Variants in TXNRD1 observed in about 807,000 individuals in gnomAD.
TXNRD1 encodes the protein thioredoxin reductase 1.
In TXNRD1, 57 loss-of-function variants were observed where a neutral mutation model predicts 80.3. The observed-to-expected ratio is 0.71, with a 90% CI of 0.57 to 0.89. TXNRD1 has a LOEUF of 0.89. Among genes scored for constraint, TXNRD1 ranks in the 40% least tolerant of loss-of-function variants. The pLI is 0.00. For missense variants in TXNRD1, 730 were observed against 803.0 expected, an observed-to-expected ratio of 0.91 and a Z score of 1.10; for synonymous variants, 291 against 285.2, an observed-to-expected ratio of 1.02 and a Z score of -0.20.
rs541416592 is a variant in TXNRD1 at position 104,313,136 on chromosome 12, G to A, written c.538-109G>A. ...TGAAGTACCCAGGTATTAATTATTCGTTATGCTTTAAGCTCTATAGCTTAA... is the reference window on the plus strand; with the variant it reads ...TGAAGTACCCAGGTATTAATTATTCATTATGCTTTAAGCTCTATAGCTTAA... On this transcript the variant is annotated intron_variant, in intron 5 of 16. Coordinates refer to ENST00000525566, the MANE Select transcript of TXNRD1 (RefSeq NM_001093771.3). The A allele has an allele frequency of 5.5e-4, 418 of 753,212 alleles. 1 individual carries two copies. Among genetic ancestry groups the A allele is most frequent in the Non-Finnish European group, 8.4e-4 (385 of 458,028 alleles). The allele number at this position is 753,212 out of a possible 1,614,324, so 46.7% of individuals were successfully genotyped here. A position where few individuals can be genotyped will look rare whatever the true frequency, so the allele number is the denominator to read the frequency against.
At chr12:104,314,573 C>T (rs1198322482) in intron 6 of TXNRD1, among the ~76,000 whole-genome samples, 1 of 151,936 alleles carries the variant, frequency 6.6e-6, no homozygotes, top group East Asian at 1.9e-4. Flanking sequence ...TGGTCACCTG[C>T]CTGTGTTTTG....
chr12:104,338,756 G>A (rs1446761390), intron 15 of TXNRD1, among the ~76,000 whole-genome samples: 4 of 151,720 alleles, frequency 2.6e-5, no homozygotes, highest in South Asian at 2.1e-4. Flanking sequence ...TCGCTCTGTC[G>A]TCTAGGCTGG....
intron 4 of TXNRD1, among the ~76,000 whole-genome samples, chr12:104,299,008 C>G (rs2034524056): frequency 6.6e-6 from 1 of 152,200 alleles, no homozygotes; most frequent in Admixed American, 6.5e-5. Context: ...ATACTCAAGT[C>G]CCAAAGTCCA....
At chr12:104,333,987 G>C (rs1428948781) in intron 14 of TXNRD1, 2 of 247,570 alleles carry the variant, frequency 8.1e-6, no homozygotes, top group Non-Finnish European at 1.5e-5. Context: ...GCTCTTTTTT[G>C]TTATTAGTTA....
At chr12:104,245,648 CAAA>C (rs149083903) in intron 1 of TXNRD1, among the ~76,000 whole-genome samples, 81,931 of 108,594 alleles carry the variant, frequency 0.75, 30,426 homozygotes, top group East Asian at 0.83. Context: ...GACCCTGTCT[CAAA>C]AAAAAAAAAA....
At chr12:104,323,443 G>C (rs1283887138) in intron 10 of TXNRD1, among the ~76,000 whole-genome samples, 1 of 142,608 alleles carries the variant, frequency 7.0e-6, no homozygotes, top group Non-Finnish European at 1.5e-5. Flanking sequence ...GCGGCTGGCC[G>C]GGCAGAGGGG....
chr12:104,325,270 G>A, intron 10 of TXNRD1, 67 bp from the exon 11 acceptor site: 4 of 1,245,688 alleles, frequency 3.2e-6, no homozygotes, highest in Non-Finnish European at 4.6e-6. Flanking sequence ...CCAGATGGAA[G>A]GGGAAGGTAG....
chr12:104,327,925 C>G (rs2035821557), intron 13 of TXNRD1, among the ~76,000 whole-genome samples: 1 of 151,796 alleles, frequency 6.6e-6, no homozygotes, highest in Non-Finnish European at 1.5e-5. Context: ...CTTTGGGAGG[C>G]TGAGGCAGGC....
chr12:104,239,857 C>T (rs558825854), intron 1 of TXNRD1, among the ~76,000 whole-genome samples: 31 of 152,274 alleles, frequency 2.0e-4, no homozygotes, highest in African/African-American at 6.0e-4. Context: ...TTATCTAATT[C>T]GTTGGCATAT....
intron 1 of TXNRD1, among the ~76,000 whole-genome samples, chr12:104,221,992 T>G (rs1377451132): frequency 6.6e-6 from 1 of 152,162 alleles, no homozygotes; most frequent in African/African-American, 2.4e-5. Context: ...CAATTTCTAC[T>G]GAGCTTCCCT....
intron 4 of TXNRD1, among the ~76,000 whole-genome samples, chr12:104,297,568 T>C (rs2034477376): frequency 2.6e-5 from 4 of 152,124 alleles, no homozygotes; most frequent in Middle Eastern, 6.8e-3. Flanking sequence ...TTTCTCTATG[T>C]TGGTCAGGCT....
intron 4 of TXNRD1, among the ~76,000 whole-genome samples, chr12:104,308,802 T>C (rs1368508287): frequency 2.0e-5 from 3 of 152,184 alleles, no homozygotes; most frequent in African/African-American, 7.2e-5. Flanking sequence ...TTCTACTGTC[T>C]GTCTTATTTA....
chr12:104,261,461 C>T (rs4964733), intron 3 of TXNRD1, among the ~76,000 whole-genome samples: 24,449 of 152,130 alleles, frequency 0.16, 2,103 homozygotes, highest in Middle Eastern at 0.22. Flanking sequence ...CCATGCCCGT[C>T]CCCCTTGTTC....
At chr12:104,255,074 A>G (rs1305420862) in intron 2 of TXNRD1, among the ~76,000 whole-genome samples, 1 of 152,044 alleles carries the variant, frequency 6.6e-6, no homozygotes. Flanking sequence ...CCTCTAAGCT[A>G]CAGCCTGGGT....
intron 4 of TXNRD1, among the ~76,000 whole-genome samples, chr12:104,305,698 A>G (rs544841232): frequency 3.9e-5 from 6 of 152,342 alleles, no homozygotes; most frequent in African/African-American, 1.4e-4. Context: ...TCATCTATTA[A>G]TATCCTGAGA....
intron 4 of TXNRD1, chr12:104,303,840 C>CG: frequency 7.0e-7 from 1 of 1,437,326 alleles, no homozygotes. Flanking sequence ...GAAAAAGCTT[C>CG]CCGGAAGGGA....
chr12:104,257,371 A>G (rs2033278321), intron 2 of TXNRD1, among the ~76,000 whole-genome samples: 1 of 150,224 alleles, frequency 6.7e-6, no homozygotes, highest in Non-Finnish European at 1.5e-5. Context: ...GGTTTGCCAC[A>G]TAATGCTTTG....
At chr12:104,238,826 C>T (rs1387940975) in intron 1 of TXNRD1, among the ~76,000 whole-genome samples, 1 of 151,462 alleles carries the variant, frequency 6.6e-6, no homozygotes, top group African/African-American at 2.4e-5. Flanking sequence ...TCTATATTTA[C>T]AAAGGGCATT....
chr12:104,225,013 G>A, intron 1 of TXNRD1: 1 of 402,634 alleles, frequency 2.5e-6, no homozygotes, highest in South Asian at 1.8e-5. Context: ...TTGAAAGAGG[G>A]GATAACACCA....
Sources: gnomAD v4.1 joint callset for allele counts (sites outside exome capture counted in the v4.1 genomes callset) on GRCh38, gnomAD v4.1.1 for gene constraint, MANE v1.5 for transcripts, NCBI Gene and HGNC (gene_info 2026-07-23, HGNC 2026-07-21) for gene names.